The following PATL2 variants were observed in gnomAD, a reference collection of about 807,000 sequenced individuals.
PATL2 encodes the protein PAT1 homolog 2, also known as protein PAT1 homolog 2.
A neutral mutation model predicts 77.0 loss-of-function variants in PATL2; 73 were observed. That is an observed-to-expected ratio of 0.95 (90% CI 0.78 to 1.15). PATL2 has a LOEUF of 1.15. Ranked by LOEUF, PATL2 falls within the 50% of genes most tolerant of loss-of-function variation. The pLI is 0.00. For missense variants in PATL2, 618 were observed against 655.4 expected (o/e 0.94, Z 0.62); for synonymous variants, 265 against 257.1 (o/e 1.03, Z -0.29).
rs546203461 is a variant in PATL2, at chr15:44,672,105, G to C, written c.567C>G (p.Leu189=). 1.2e-5 allele frequency: 18 copies of C among 1,551,716 alleles called. No homozygotes were observed. The highest frequency in any genetic ancestry group is 1.5e-5 in the Non-Finnish European group (17 of 1,146,988). Residue 189 remains leucine, a synonymous_variant, in exon 9 of 18, where the codon CTC becomes CTG. Transcript: ENST00000682850. Reference sequence around the variant, plus strand: ...CCCAGTCCTTCTCTTTTCTGGTCATGAGGTTAGCATAGGGGTCTGGCTGCT... The same window carrying C: ...CCCAGTCCTTCTCTTTTCTGGTCATCAGGTTAGCATAGGGGTCTGGCTGCT... The part of the protein sequence containing the change: ...WSQQPDPYAN[L]MTRKEKDWVI...
At chr15:44,675,259 C>G in intron 5 of PATL2, 1 of 553,580 alleles carries the variant, frequency 1.8e-6, no homozygotes, top group Non-Finnish European at 3.1e-6. Context: ...ATGCACAGCT[C>G]TGCTAGGACC....
At chr15:44,685,154 T>C (rs2086225063) in intron 3 of PATL2, among the ~76,000 whole-genome samples, 1 of 152,152 alleles carries the variant, frequency 6.6e-6, no homozygotes, top group South Asian at 2.1e-4. Context: ...TACCAAATTG[T>C]AAAGACCATC....
intron 12 of PATL2, 21 bp downstream of exon 12, chr15:44,669,489 C>T: frequency 6.5e-7 from 1 of 1,550,358 alleles, no homozygotes. Flanking sequence ...GGAACTCGTC[C>T]CTAAGGAACT....
chr15:44,686,107 T>A (rs1226427440), intron 3 of PATL2, among the ~76,000 whole-genome samples: 1 of 152,192 alleles, frequency 6.6e-6, no homozygotes, highest in Non-Finnish European at 1.5e-5. Context: ...GCATATACAT[T>A]CTTCTCAGCA....
chr15:44,667,785 A>C (rs1377114619), intron 15 of PATL2, among the ~76,000 whole-genome samples: 1 of 152,154 alleles, frequency 6.6e-6, no homozygotes, highest in East Asian at 1.9e-4. Flanking sequence ...TCTACTAAAA[A>C]TACAAAAATT....
chr15:44,699,850 T>C (rs896069224), intron 3 of PATL2, among the ~76,000 whole-genome samples: 2 of 152,200 alleles, frequency 1.3e-5, no homozygotes, highest in Admixed American at 6.5e-5. Flanking sequence ...TTCTGTTTCA[T>C]TGGTTTATGT....
Position 44,676,541 on chromosome 15 carries a change from CATT to C in PATL2, c.-54_-52del. On this transcript the variant is annotated 5_prime_UTR_variant, in exon 4 of 18. An upstream start codon of the reference 5' UTR is lost. Transcript: ENST00000682850. ...TTAGCCGTGTCCTCCAGTGAAACAG[CATT>C]GCCAGCCTCTGGAAGGTAAACCTGA... is the stretch of plus-strand genomic sequence containing the variant. 1 of 1,551,008 alleles carries C rather than the reference CATT, an allele frequency of 6.4e-7. No homozygotes were observed. The highest frequency in any genetic ancestry group is 8.7e-7 in the Non-Finnish European group (1 of 1,146,554).
chr15:44,677,714 C>T (rs758754181), intron 3 of PATL2, among the ~76,000 whole-genome samples: 7 of 152,294 alleles, frequency 4.6e-5, no homozygotes, highest in Non-Finnish European at 8.8e-5. Flanking sequence ...TTAGGACCCT[C>T]TTGTCATGGT....
chr15:44,686,787 AT>A (rs1394306832), intron 3 of PATL2, among the ~76,000 whole-genome samples: 1 of 152,264 alleles, frequency 6.6e-6, no homozygotes, highest in Non-Finnish European at 1.5e-5. Flanking sequence ...CTCTATGCAA[AT>A]AAACTAGAAA....
Position 44,668,496 on chromosome 15 carries a change from A to C in PATL2, c.1225-14T>G. 1 of 1,548,610 alleles carries C rather than the reference A, an allele frequency of 6.5e-7. No individual in the cohort carries two copies. The highest frequency in any genetic ancestry group is 8.7e-7 in the Non-Finnish European group (1 of 1,145,866). ...CATTTGTAGGGCCTGCAAGAAGATC[A>C]GTAAGCACCTCCCAAATTCCACTAC... On this transcript the variant is annotated splice_polypyrimidine_tract_variant and intron_variant, in intron 14 of 17. Transcript: ENST00000682850.
In PATL2 at chr15:44,693,697, GT is replaced by G. The variant is rs1229129404; in HGVS notation, c.-76+16398del. Among the ~76,000 whole-genome samples, 1,224 of 143,906 alleles carry G rather than the reference GT, an allele frequency of 8.5e-3. 10 individuals carry two copies. The highest frequency in any genetic ancestry group is 0.028 in the African/African-American group (1,113 of 39,444). 94.4% of individuals were successfully genotyped at this position (143,906 alleles called of 152,430 possible). On this transcript the variant is annotated intron_variant, in intron 3 of 17. Transcript: ENST00000682850. ...AGTCCAAAAAATGTTTTCTTTTTCT[GT>G]TTTTTTTTTTTTGAGACAGAGTCTC...
chr15:44,700,012 A>AT lies in PATL2; in HGVS notation c.-76+10083dup, dbSNP rs199513820. Among the ~76,000 whole-genome samples, 586 of 151,456 alleles carry AT rather than the reference A, an allele frequency of 3.9e-3. 26 individuals are homozygous for AT. The East Asian group carries it at 0.091, about 23-fold the overall frequency. ...TTTGTGGTTCCATATAAATTTTAGG[A>AT]TTTTTTTTCCATTTCTGTGAAGAAT... is the stretch of plus-strand genomic sequence containing the variant. On this transcript the variant is annotated intron_variant, in intron 3 of 17. Transcript: ENST00000682850.
chr15:44,677,620 T>C (rs2086016072), intron 3 of PATL2, among the ~76,000 whole-genome samples: 1 of 152,188 alleles, frequency 6.6e-6, no homozygotes, highest in Admixed American at 6.5e-5. Context: ...CCACATCCTG[T>C]GTTCAGCTGA....
intron 3 of PATL2, among the ~76,000 whole-genome samples, chr15:44,706,647 G>A (rs1429092411): frequency 6.6e-6 from 1 of 152,218 alleles, no homozygotes; most frequent in Non-Finnish European, 1.5e-5. Flanking sequence ...GGAGTTGGGG[G>A]AGAAGTGACA....
chr15:44,674,049 C>T (rs552279584), intron 6 of PATL2, 101 bp downstream of exon 6: 1 of 1,130,830 alleles, frequency 8.8e-7, no homozygotes, highest in Non-Finnish European at 1.3e-6. Flanking sequence ...ACACCCATAC[C>T]TCACTTTGGG....
intron 3 of PATL2, among the ~76,000 whole-genome samples, chr15:44,700,905 T>G (rs565438143): frequency 1.3e-5 from 2 of 152,340 alleles, no homozygotes; most frequent in Admixed American, 1.3e-4. Context: ...GCTGTGGGTT[T>G]GTCATATAGC....
intron 14 of PATL2, 138 bp downstream of exon 14, chr15:44,668,842 T>G: frequency 1.9e-6 from 2 of 1,066,838 alleles, no homozygotes; most frequent in Non-Finnish European, 2.6e-6. Context: ...CTTCCTTGCC[T>G]GAGGGTGGCA....
rs373006019 is a variant in PATL2 at position 44,707,433 on chromosome 15, T to C, written c.-76+2663A>G. 5.6e-4 allele frequency among the ~76,000 whole-genome samples: 86 copies of C among 152,232 alleles called. No homozygotes were observed. The South Asian group carries it at 0.011, about 19-fold the overall frequency. On this transcript the variant is annotated intron_variant, in intron 3 of 17. Coordinates refer to ENST00000682850, the MANE Select transcript of PATL2 (RefSeq NM_001387263.1). ...GATTATTCAGGGCCAAAGGGCTCTT[T>C]AGTCAGCTGGTGAGGAATCCTGCCA...
intron 3 of PATL2, among the ~76,000 whole-genome samples, chr15:44,679,488 A>C (rs908034236): frequency 1.5e-4 from 23 of 151,052 alleles, no homozygotes; most frequent in African/African-American, 5.6e-4. Flanking sequence ...TCGGCCTCCC[A>C]AAGTGCTGGG....
Sources: gnomAD v4.1 joint callset for allele counts (sites outside exome capture counted in the v4.1 genomes callset) on GRCh38, gnomAD v4.1.1 for gene constraint, MANE v1.5 for transcripts, NCBI Gene and HGNC (gene_info 2026-07-23, HGNC 2026-07-21) for gene names.